PTPRU: variants seen among roughly 807,000 people sequenced by gnomAD.
PTPRU encodes the protein receptor-type tyrosine-protein phosphatase U.
A neutral mutation model predicts 166.3 loss-of-function variants in PTPRU; 69 were observed. The ratio of observed to expected loss-of-function variants is 0.41; its 90% CI spans 0.34 to 0.51. The LOEUF (loss-of-function observed/expected upper bound fraction) is 0.51. PTPRU is among the 20% of genes least tolerant of loss of function. The pLI is 0.09. For synonymous variants in PTPRU, 793 were observed against 814.0 expected (o/e 0.97, Z 0.44); for missense variants, 1,657 against 2,013.7 (o/e 0.82, Z 3.39).
At chr1:29,303,309 TC>T in intron 15 of PTPRU, among the ~76,000 whole-genome samples, 1 of 152,170 alleles carries the variant, frequency 6.6e-6, no homozygotes, top group South Asian at 2.1e-4. Flanking sequence ...CTCCACCCAC[TC>T]CCCCACTGGC....
intron 7 of PTPRU, among the ~76,000 whole-genome samples, chr1:29,266,456 T>A (rs537201984): frequency 1.3e-5 from 2 of 152,338 alleles, no homozygotes; most frequent in East Asian, 3.9e-4. Flanking sequence ...TAAAATCCAG[T>A]TTAAAGCCAC....
chr1:29,267,419 A>G (rs1026368336), intron 7 of PTPRU, among the ~76,000 whole-genome samples: 6 of 152,188 alleles, frequency 3.9e-5, no homozygotes, highest in Non-Finnish European at 7.3e-5. Flanking sequence ...GAAGAAAAGC[A>G]GGGAGTGGGG....
chr1:29,319,128 TGGATGGAATGTGTGTGCC>T (rs1476009455), intron 25 of PTPRU, among the ~76,000 whole-genome samples: 1 of 152,060 alleles, frequency 6.6e-6, no homozygotes, highest in Non-Finnish European at 1.5e-5. Flanking sequence ...CTCAGCTTGG[TGGATGGAATGTGTGTGCC>T]CACATGCTCG....
At chr1:29,242,910 T>A (rs1684120545) in intron 1 of PTPRU, among the ~76,000 whole-genome samples, 1 of 152,026 alleles carries the variant, frequency 6.6e-6, no homozygotes, top group African/African-American at 2.4e-5. Flanking sequence ...TTCTTTTTTT[T>A]TTTTTGAGAT....
At position 29,258,706 on chromosome 1, in the gene PTPRU, CTG is replaced by C; in HGVS notation, c.408_409del (p.Gly137IlefsTer10). ...CTGGGCAGTGCTGTGTGGAATATGA[CTG>C]GATCCCACGGCCGTCAGTGGCACCA... On this transcript the variant is annotated frameshift_variant, in exon 3 of 30. Transcript: ENST00000373779. LOFTEE classifies it high-confidence loss of function. 6.2e-7 allele frequency: 1 copy of C among 1,611,816 alleles called. No homozygotes were observed. The highest frequency in any genetic ancestry group is 8.5e-7 in the Non-Finnish European group (1 of 1,178,726).
In PTPRU at chr1:29,257,122, G is replaced by A. The variant is rs1684804989; in HGVS notation, c.206-1383G>A. On this transcript the variant is annotated intron_variant, in intron 2 of 29. Transcript: ENST00000373779. This position sits in a 1 kb window ranked among gnomAD's most constrained non-coding sequence, Gnocchi z 4.6. ...GAGAAGGGGAGGGATGTAGTGAGCC[G>A]AGGAGGAGGCAGAGGGAGCAGGAGG... is the stretch of plus-strand genomic sequence containing the variant. Among the ~76,000 whole-genome samples, 3 of 152,116 alleles carry A rather than the reference G, an allele frequency of 2.0e-5. No homozygotes were observed. The South Asian group carries it at 6.2e-4, about 32-fold the overall frequency.
chr1:29,287,726 C>G (rs1343136960), intron 14 of PTPRU, among the ~76,000 whole-genome samples: 1 of 151,916 alleles, frequency 6.6e-6, no homozygotes, highest in African/African-American at 2.4e-5. Flanking sequence ...TTCCAAGTAG[C>G]TGGGACTACA....
intron 7 of PTPRU, among the ~76,000 whole-genome samples, chr1:29,264,704 C>T (rs1414373396): frequency 6.6e-6 from 1 of 152,100 alleles, no homozygotes; most frequent in Non-Finnish European, 1.5e-5. Flanking sequence ...CAGGGTTTCA[C>T]CATGTTGGCC....
intron 12 of PTPRU, chr1:29,283,692 TC>T: frequency 1.9e-6 from 1 of 520,320 alleles, no homozygotes; most frequent in Non-Finnish European, 3.4e-6. Context: ...CCCGCCCATT[TC>T]CCCAAGACGT....
rs1574619824 is a variant in PTPRU, at chr1:29,258,575, G to A, written c.276G>A (p.Leu92=). The A allele has an allele frequency of 1.2e-6, 2 of 1,614,152 alleles. No homozygotes were observed. The highest frequency in any genetic ancestry group is 1.3e-5 in the African/African-American group (1 of 74,958). Reference sequence around the variant, plus strand: ...GAGCCCATGTCATCTTCCAGAGCCTGAGCGAGAATGATACCCACTGTGTGC... The same window carrying A: ...GAGCCCATGTCATCTTCCAGAGCCTAAGCGAGAATGATACCCACTGTGTGC... The part of the protein sequence containing the change: ...GQRAHVIFQS[L]SENDTHCVQF... Residue 92 remains leucine, a synonymous_variant, in exon 3 of 30, where the codon CTG becomes CTA. Transcript: ENST00000373779.
At chr1:29,325,069 C>T in intron 28 of PTPRU, 122 bp from the exon 29 acceptor site, 1 of 1,358,856 alleles carries the variant, frequency 7.4e-7, no homozygotes, top group Middle Eastern at 2.3e-4. Flanking sequence ...CCCCACCCTT[C>T]TAGATTCCCT....
Position 29,303,903 on chromosome 1 carries a change from G to T in PTPRU, c.2525G>T (p.Gly842Val). Residue 842 changes from glycine to valine, a missense_variant, in exon 16 of 30, where the codon GGC becomes GTC. This residue lies in a region of PTPRU where 1,190 missense variants were observed against 1,477.4 expected (regional missense o/e 0.81). Transcript: ENST00000373779. Reference protein sequence around the residue: ...GVTEASSLLGGSPRRPCGRKG... With the variant: ...GVTEASSLLGVSPRRPCGRKG... Reference sequence around the variant, plus strand: ...ACTGAGGCCAGCAGCCTCCTGGGGGGCTCCCCGAGGCGTCCCTGTGGCCGG... The same window carrying T: ...ACTGAGGCCAGCAGCCTCCTGGGGGTCTCCCCGAGGCGTCCCTGTGGCCGG... 1 of 1,613,600 alleles carries T rather than the reference G, an allele frequency of 6.2e-7. No homozygotes were observed. The highest frequency in any genetic ancestry group is 8.5e-7 in the Non-Finnish European group (1 of 1,179,568).
At chr1:29,304,948 T>C in intron 17 of PTPRU, 99 bp downstream of exon 17, 3 of 1,156,396 alleles carry the variant, frequency 2.6e-6, no homozygotes, top group African/African-American at 1.5e-5. Context: ...TCAGAGATGA[T>C]AGTAGCATTG....
At position 29,282,813 on chromosome 1, in the gene PTPRU, TG is replaced by T. The variant is rs1173860235; in HGVS notation, c.2008del (p.Ala670ArgfsTer43). On this transcript the variant is annotated frameshift_variant, in exon 12 of 30. Transcript: ENST00000373779. LOFTEE classifies it high-confidence loss of function. ...CTGGTGCACTACTTCGGGGCCGAAC[TG>T]GCGGCCAGCAGTCTACCTGAGGCCA... ...RGLVHYFGAE[L>X]AASSLPEAMP... The T allele has an allele frequency of 6.2e-7, 1 of 1,614,042 alleles. No individual in the cohort carries two copies. Among genetic ancestry groups the T allele is most frequent in the Non-Finnish European group, 8.5e-7 (1 of 1,180,020 alleles).
At chr1:29,258,168 T>G (rs548544028) in intron 2 of PTPRU, among the ~76,000 whole-genome samples, 82 of 152,276 alleles carry the variant, frequency 5.4e-4, no homozygotes, top group African/African-American at 1.7e-3. Context: ...TTTTACCATA[T>G]TGGTCAGGCT....
rs774218458 is a variant in PTPRU at position 29,284,862 on chromosome 1, C to T, written c.2311C>T (p.Arg771Cys). 8.7e-6 allele frequency: 14 copies of T among 1,610,914 alleles called. 1 individual carries two copies. The highest frequency in any genetic ancestry group is 4.5e-5 in the East Asian group (2 of 44,828). Reference protein sequence around the residue: ...LLLGAIIVIIRKGKPVNMTKA... With the variant: ...LLLGAIIVIICKGKPVNMTKA... ...CCTGGGTGCCATCATTGTCATCATC[C>T]GCAAAGGGTGAGTGAGGCCGGTGCC... is the stretch of plus-strand genomic sequence containing the variant. Residue 771 changes from arginine to cysteine, a missense_variant, in exon 14 of 30, where the codon CGC becomes TGC. Arg to Cys is a radical substitution (Grantham distance 180). This residue lies in a region of PTPRU where 1,190 missense variants were observed against 1,477.4 expected (regional missense o/e 0.81). Transcript: ENST00000373779.
rs879481967 is a variant in PTPRU, at chr1:29,291,659, C to T, written c.2319-210C>T. Among the ~76,000 whole-genome samples the T allele has an allele frequency of 9.2e-5, 14 of 152,198 alleles. No individual in the cohort carries two copies. The highest frequency in any genetic ancestry group is 2.1e-4 in the South Asian group (1 of 4,834). ...TTTCCCTTAGCAAAGGTCCCTAGGA[C>T]GGGCTCTGCCAAGCCCTTTTCAGGG... On this transcript the variant is annotated intron_variant, in intron 14 of 29. Transcript: ENST00000373779. This position sits in a 1 kb window ranked among gnomAD's most constrained non-coding sequence, Gnocchi z 4.1.
At chr1:29,310,668 G>C (rs1183910871) in intron 18 of PTPRU, 76 bp from the exon 19 acceptor site, 8 of 1,463,860 alleles carry the variant, frequency 5.5e-6, no homozygotes, top group Non-Finnish European at 7.7e-6. Context: ...GCTGCTGGGA[G>C]GGGAGGGTAG....
intron 14 of PTPRU, among the ~76,000 whole-genome samples, chr1:29,290,649 A>G (rs1463091842): frequency 1.3e-5 from 2 of 152,316 alleles, no homozygotes; most frequent in East Asian, 3.9e-4. Flanking sequence ...AGCTTTTCCA[A>G]CAACTCAACA....
Sources: gnomAD v4.1 joint callset for allele counts (sites outside exome capture counted in the v4.1 genomes callset) on GRCh38, gnomAD v4.1.1 for gene constraint, gnomAD v4.1.1 regional missense constraint, Gnocchi (gnomAD v3.1) non-coding constraint, MANE v1.5 for transcripts, NCBI Gene and HGNC (gene_info 2026-07-23, HGNC 2026-07-21) for gene names.